Variants in TUB observed in about 807,000 individuals in gnomAD.
TUB encodes tubby protein homolog.
In TUB, 33 loss-of-function variants were observed where a neutral mutation model predicts 59.7. The observed-to-expected ratio is 0.55, with a 90% confidence interval of 0.42 to 0.74. The LOEUF (loss-of-function observed/expected upper bound fraction) is 0.74. Ranked by LOEUF, TUB falls within the 30% of genes least tolerant of loss-of-function variation. The probability of loss-of-function intolerance (pLI) is 0.00; values close to 1 mark genes in which losing one functional copy is unlikely to be tolerated. For synonymous variants in TUB, 293 were observed against 256.4 expected, an observed-to-expected ratio of 1.14 and a Z score of -1.36; for missense variants, 659 against 672.0, an observed-to-expected ratio of 0.98 and a Z score of 0.21.
At chr11:8,090,004 C>T (rs957961900) in intron 2 of TUB, 65 bp from the exon 3 acceptor site, 12 of 1,495,146 alleles carry the variant, frequency 8.0e-6, no homozygotes, top group African/African-American at 1.4e-5. Context: ...GTGGACCCCC[C>T]GATAACTGGG....
intron 1 of TUB, chr11:8,039,617 G>A (rs745325521): frequency 2.7e-6 from 4 of 1,471,436 alleles, no homozygotes; most frequent in Admixed American, 4.9e-5. Flanking sequence ...CAAGGATGTG[G>A]AGAGTCACCC....
chr11:8,038,599 A>T, upstream of TUB: 1 of 1,153,602 alleles, frequency 8.7e-7, no homozygotes, highest in South Asian at 3.0e-5. Flanking sequence ...GAAACCAGCA[A>T]TTGGGTGTCC....
Position 8,097,723 on chromosome 11 carries a change from C to T in TUB, c.895C>T (p.Leu299=). The change falls in exon 8 of 12, where the codon CTG becomes TTG. Residue 299 remains leucine (L), a synonymous_variant. Transcript: ENST00000299506. ...DREDGKKVFL[L]AGRKRKKSKT... ...CATTCCACTCCCCAAGGTGTTCCTCCTGGCGGGAAGGAAGAGAAAGAAGAG... is the reference window on the plus strand; with the variant it reads ...CATTCCACTCCCCAAGGTGTTCCTCTTGGCGGGAAGGAAGAGAAAGAAGAG... 5 of 1,613,602 alleles carry T rather than the reference C, an allele frequency of 3.1e-6. No individual in the cohort carries two copies. The highest frequency in any genetic ancestry group is 4.2e-6 in the Non-Finnish European group (5 of 1,179,634).
intron 2 of TUB, among the ~76,000 whole-genome samples, chr11:8,064,701 G>T (rs991466657): frequency 9.9e-5 from 15 of 152,152 alleles, no homozygotes; most frequent in African/African-American, 3.6e-4. Flanking sequence ...GAGGGTCAGG[G>T]GCATGAAACC....
rs1944330976 is a variant in TUB, at chr11:8,102,054, CA to C, written c.*436del. 1 of 182,466 alleles carries C rather than the reference CA, an allele frequency of 5.5e-6. No individual in the cohort carries two copies. The highest frequency in any genetic ancestry group is 1.1e-5 in the Non-Finnish European group (1 of 87,086). 11.3% of individuals were successfully genotyped at this position (182,466 alleles called of 1,614,324 possible). On this transcript the variant is annotated 3_prime_UTR_variant, in exon 12 of 12. Coordinates refer to ENST00000299506, the MANE Select transcript of TUB (RefSeq NM_177972.3). ...ATGGGTACTCCAGCAGGTAGGGGCACAGTGAATGTGTGTATGTATGAAGGCC... is the reference window on the plus strand; with the variant it reads ...ATGGGTACTCCAGCAGGTAGGGGCACGTGAATGTGTGTATGTATGAAGGCC...
At chr11:8,056,074 G>A (rs1564904776) in intron 2 of TUB, among the ~76,000 whole-genome samples, 1 of 152,178 alleles carries the variant, frequency 6.6e-6, no homozygotes. Flanking sequence ...TGCTGGAGCC[G>A]CCTGAGGCTG....
At chr11:8,039,628 C>G in intron 1 of TUB, 1 of 1,475,938 alleles carries the variant, frequency 6.8e-7, no homozygotes. Flanking sequence ...AGAGTCACCC[C>G]TTCTTTTCCT....
intron 5 of TUB, 86 bp from the exon 6 acceptor site, chr11:8,096,595 GTGTC>G (rs1321120749): frequency 7.8e-5 from 67 of 859,282 alleles, no homozygotes; most frequent in Non-Finnish European, 1.3e-4. Flanking sequence ...AGGTGAGTCA[GTGTC>G]TGAACATGAG....
At chr11:8,074,326 C>G (rs1403460131) in intron 2 of TUB, among the ~76,000 whole-genome samples, 1 of 152,142 alleles carries the variant, frequency 6.6e-6, no homozygotes, top group African/African-American at 2.4e-5. Flanking sequence ...GTGTCTCTCA[C>G]TCTAGGCATC....
At chr11:8,019,342 C>A in exon 1 of TUB, 1 of 1,278,212 alleles carries the variant, frequency 7.8e-7, no homozygotes, top group Non-Finnish European at 9.9e-7. Context: ...GTCTTACAGC[C>A]GCTGGAGCTA....
intron 2 of TUB, chr11:8,039,747 G>A (rs1942713686): frequency 7.8e-6 from 11 of 1,417,480 alleles, no homozygotes; most frequent in Non-Finnish European, 6.5e-6. Context: ...AACCACAGGA[G>A]ACTGTGAGGG....
At chr11:8,062,802 G>C (rs1238289728) in intron 2 of TUB, among the ~76,000 whole-genome samples, 1 of 152,140 alleles carries the variant, frequency 6.6e-6, no homozygotes, top group Admixed American at 6.5e-5. Flanking sequence ...GCAGCTGGGG[G>C]AGGAAACCAC....
rs762651402 is a variant in TUB, at chr11:8,103,840, G to A, written c.*2221G>A. The A allele has an allele frequency of 2.6e-5, 4 of 152,542 alleles. No homozygotes were observed. Among genetic ancestry groups the A allele is most frequent in the Middle Eastern group, 3.4e-3 (1 of 294 alleles). The allele number at this position is 152,542 out of a possible 1,614,324, so 9.4% of individuals were successfully genotyped here. A position where few individuals can be genotyped will look rare whatever the true frequency, so the allele number is the denominator to read the frequency against. Reference sequence around the variant, plus strand: ...GGCTGGTTCTGAGTTCTGGTGAGACGGAGACCCCGGTGGCAGTGGAAAAAT... The same window carrying A: ...GGCTGGTTCTGAGTTCTGGTGAGACAGAGACCCCGGTGGCAGTGGAAAAAT... On this transcript the variant is annotated 3_prime_UTR_variant, in exon 12 of 12. Transcript: ENST00000299506.
intron 2 of TUB, among the ~76,000 whole-genome samples, chr11:8,064,112 C>T (rs575780322): frequency 3.0e-4 from 46 of 152,318 alleles, no homozygotes; most frequent in African/African-American, 1.1e-3. Flanking sequence ...ACTCAGTTCT[C>T]AGTCTCCCAC....
At chr11:8,085,286 A>G (rs1943644308) in intron 1 of TUB, among the ~76,000 whole-genome samples, 1 of 152,216 alleles carries the variant, frequency 6.6e-6, no homozygotes. Flanking sequence ...GAGTGGGTTG[A>G]TTCTGGGGGA....
intron 5 of TUB, 21 bp downstream of exon 5, chr11:8,095,686 G>A: frequency 3.2e-6 from 5 of 1,568,550 alleles, no homozygotes; most frequent in Non-Finnish European, 4.3e-6. Flanking sequence ...TGGGGACCCA[G>A]TGATACCCCC....
rs1944609214 is a variant in TUB at position 8,106,147 on chromosome 11, T to C, written c.*4528T>C. On this transcript the variant is annotated 3_prime_UTR_variant, in exon 12 of 12. Transcript: ENST00000299506. ...TTATTGGTATGTGCAATGACAAACTTGGTATTTTCCCATGTTGACATTATG... is the reference window on the plus strand; with the variant it reads ...TTATTGGTATGTGCAATGACAAACTCGGTATTTTCCCATGTTGACATTATG... 1.3e-5 allele frequency: 2 copies of C among 152,224 alleles called. No homozygotes were observed. Among genetic ancestry groups the C allele is most frequent in the Non-Finnish European group, 2.9e-5 (2 of 68,044 alleles). The allele number at this position is 152,224 out of a possible 1,614,324, so 9.4% of individuals were successfully genotyped here.
chr11:8,089,811 G>T, intron 2 of TUB, 150 bp downstream of exon 2: 1 of 1,161,752 alleles, frequency 8.6e-7, no homozygotes, highest in Non-Finnish European at 1.2e-6. Context: ...CTCTCTCCCA[G>T]CTCAGCACTA....
rs1944428991 is a variant in TUB at position 8,104,245 on chromosome 11, A to G, written c.*2626A>G. 6.6e-6 allele frequency: 1 copy of G among 152,216 alleles called. No homozygotes were observed. The highest frequency in any genetic ancestry group is 2.4e-5 in the African/African-American group (1 of 41,450). 9.4% of individuals were successfully genotyped at this position (152,216 alleles called of 1,614,324 possible). The stretch of plus-strand genomic sequence containing the variant: ...GACAGAATGAGCAGTCCCTAATGGT[A>G]TTGGGCAGTTGGGAGTGAGTTTAGG... On this transcript the variant is annotated 3_prime_UTR_variant, in exon 12 of 12. Coordinates refer to ENST00000299506, the MANE Select transcript of TUB (RefSeq NM_177972.3).
Sources: gnomAD v4.1 joint callset for allele counts (sites outside exome capture counted in the v4.1 genomes callset) on GRCh38, gnomAD v4.1.1 for gene constraint, MANE v1.5 for transcripts, NCBI Gene and HGNC (gene_info 2026-07-23, HGNC 2026-07-21) for gene names.